Variants in UGT2A2 observed in about 807,000 individuals in gnomAD.
UGT2A2 encodes UDP glucuronosyltransferase family 2 member A2.
A neutral mutation model predicts 50.7 loss-of-function variants in UGT2A2; 60 were observed. The ratio of observed to expected loss-of-function variants is 1.18; its 90% CI spans 0.96 to 1.47. The LOEUF (loss-of-function observed/expected upper bound fraction) is 1.47. Ranked by LOEUF, UGT2A2 falls within the 40% of genes most tolerant of loss-of-function variation. UGT2A2 has a pLI of 0.00. For synonymous variants in UGT2A2, 242 were observed against 214.6 expected (o/e 1.13, Z -1.11); for missense variants, 762 against 634.0 (o/e 1.20, Z -2.17).
chr4:69,611,203 TG>T (rs1208454921), intron 1 of UGT2A2, among the ~76,000 whole-genome samples: 1 of 151,578 alleles, frequency 6.6e-6, no homozygotes, highest in Non-Finnish European at 1.5e-5. Context: ...TGGAGTGCAG[TG>T]GCACCAACAC....
Position 69,606,354 on chromosome 4 carries a change from C to T in UGT2A2, c.743-6960G>A, listed in dbSNP as rs1719611128. 2.9e-5 allele frequency among the ~76,000 whole-genome samples: 4 copies of T among 136,204 alleles called. 1 individual carries two copies. In the South Asian group the frequency reaches 9.7e-4, roughly 33 times the overall value. 89.4% of individuals were successfully genotyped at this position (136,204 alleles called of 152,430 possible). ...ATTATCTCAATAGATGCAGAAAAGG[C>T]CTTGAAAAAATTCAACAACGCTTCA... On this transcript the variant is annotated intron_variant, in intron 1 of 5. Transcript: ENST00000604629.
Position 69,639,390 on chromosome 4 carries a change from G to A in UGT2A2, c.251C>T (p.Pro84Leu). ...PDSPVNFEVI[P>L]VSYKKSNIDS... ...TATATTGCTCTTCTTGTAGGAAACA[G>A]GTATCACTTCAAAATTCACAGGAGA... Residue 84 changes from proline (P) to leucine (L), a missense_variant, in exon 1 of 6, where the codon CCT becomes CTT. By Grantham distance (98) the Pro-to-Leu change is moderately conservative (BLOSUM62 -3). Transcript: ENST00000604629. 1 of 1,613,532 alleles carries A rather than the reference G, an allele frequency of 6.2e-7. No individual in the cohort carries two copies. Among genetic ancestry groups the A allele is most frequent in the East Asian group, 2.2e-5 (1 of 44,872 alleles).
intron 1 of UGT2A2, among the ~76,000 whole-genome samples, chr4:69,612,842 C>T (rs1720142935): frequency 6.9e-6 from 1 of 145,248 alleles, no homozygotes; most frequent in Non-Finnish European, 1.5e-5. Context: ...GCTAAGTCCT[C>T]AAAAGCAATT....
intron 1 of UGT2A2, chr4:69,635,840 AAAAAAAAAAAGAGAG>A: frequency 6.8e-6 from 1 of 146,456 alleles, no homozygotes; most frequent in Non-Finnish European, 1.5e-5. Context: ...AAAAAAAAAA[AAAAAAAAAAAGAGAG>A]AGAGAGAGAG....
At chr4:69,596,482 G>A in intron 2 of UGT2A2, 101 bp from the exon 3 acceptor site, 3 of 1,339,236 alleles carry the variant, frequency 2.2e-6, no homozygotes, top group South Asian at 2.1e-5. Flanking sequence ...ATATGTCAGA[G>A]AAACTGTTGA....
In UGT2A2 at chr4:69,638,976, G is replaced by C; in HGVS notation, c.665C>G (p.Thr222Ser). 1.2e-6 allele frequency: 2 copies of C among 1,613,044 alleles called. No individual in the cohort carries two copies. Among genetic ancestry groups the C allele is most frequent in the Non-Finnish European group, 1.7e-6 (2 of 1,179,452 alleles). ...ATAGTCTTGCAGAGAATAAGATATG[G>C]TATTTTTAATCCTTTCACCAAAGGT... ...QMTFGERIKN[T>S]ISYSLQDYIF... Residue 222 changes from threonine to serine, a missense_variant, in exon 1 of 6, where the codon ACC becomes AGC. By Grantham distance (58) the Thr-to-Ser change is moderately conservative. Coordinates refer to ENST00000604629, the MANE Select transcript of UGT2A2 (RefSeq NM_001105677.2).
chr4:69,638,904 AT>A lies in UGT2A2; in HGVS notation c.736del (p.Ile246PhefsTer2). The A allele has an allele frequency of 6.3e-7, 1 of 1,577,308 alleles. No individual in the cohort carries two copies. Among genetic ancestry groups the A allele is most frequent in the East Asian group, 2.2e-5 (1 of 44,458 alleles). ...AGAGAAAATTTTAGACTTACCTAAA[AT>A]TTTGCTATAGTATGAATTCCATTCT... The part of the protein sequence containing the change: ...WGEWNSYYSK[I>X]LGRPTTLCET... On this transcript the variant is annotated frameshift_variant, in exon 1 of 6. Transcript: ENST00000604629. LOFTEE classifies it high-confidence loss of function.
intron 1 of UGT2A2, among the ~76,000 whole-genome samples, chr4:69,632,203 A>G (rs1721427032): frequency 1.3e-5 from 2 of 152,204 alleles, no homozygotes; most frequent in African/African-American, 4.8e-5. Context: ...TTTGATATAA[A>G]TATAACAGAA....
chr4:69,596,424 TAAG>T (rs768176506), intron 2 of UGT2A2, 43 bp from the exon 3 acceptor site: 5 of 1,431,770 alleles, frequency 3.5e-6, no homozygotes, highest in Non-Finnish European at 4.6e-6. Context: ...TGTAGCATCA[TAAG>T]AAAAAATAAG....
intron 5 of UGT2A2, among the ~76,000 whole-genome samples, chr4:69,591,047 C>G (rs958949927): frequency 2.6e-5 from 4 of 152,198 alleles, no homozygotes; most frequent in African/African-American, 9.6e-5. Context: ...AGTGAAGTTA[C>G]TTTAAATTAA....
At chr4:69,590,116 A>T (rs1400346582) in intron 5 of UGT2A2, among the ~76,000 whole-genome samples, 2 of 152,222 alleles carry the variant, frequency 1.3e-5, no homozygotes, top group Non-Finnish European at 2.9e-5. Flanking sequence ...CAGTTCTAAG[A>T]TGTAGGCATT....
chr4:69,610,720 G>GA lies in UGT2A2; in HGVS notation c.743-11327dup, dbSNP rs1291093203. On this transcript the variant is annotated intron_variant, in intron 1 of 5. Coordinates refer to ENST00000604629, the MANE Select transcript of UGT2A2 (RefSeq NM_001105677.2). ...GACACCAGGAATGCCCATATGCAGA[G>GA]AAAAAGCTATATGAGAATATAAGAT... 5.3e-5 allele frequency among the ~76,000 whole-genome samples: 8 copies of GA among 152,186 alleles called. No homozygotes were observed. In the East Asian group the frequency reaches 1.5e-3, roughly 29 times the overall value.
In UGT2A2 at chr4:69,589,321, C is replaced by A. The variant is rs1560463089; in HGVS notation, c.*51G>T. On this transcript the variant is annotated 3_prime_UTR_variant, in exon 6 of 6. Transcript: ENST00000604629. ...GTCTGGAATTAATAGGACTACACTA[C>A]TCAGGATTTTGCCAAACTTAAAAAT... 6.6e-7 allele frequency: 1 copy of A among 1,516,322 alleles called. No individual in the cohort carries two copies. Among genetic ancestry groups the A allele is most frequent in the Admixed American group, 2.2e-5 (1 of 46,510 alleles). The allele number at this position is 1,516,322 out of a possible 1,614,324, so 93.9% of individuals were successfully genotyped here.
At chr4:69,592,975 G>A (rs1252313249) in intron 5 of UGT2A2, among the ~76,000 whole-genome samples, 1 of 151,982 alleles carries the variant, frequency 6.6e-6, no homozygotes, top group Admixed American at 6.6e-5. Context: ...TTTCCAAGTT[G>A]AAAAGAAAGC....
Position 69,599,409 on chromosome 4 carries a change from A to G in UGT2A2, c.743-15T>C. 1 of 1,611,772 alleles carries G rather than the reference A, an allele frequency of 6.2e-7. No individual in the cohort carries two copies. Among genetic ancestry groups the G allele is most frequent in the South Asian group, 1.1e-5 (1 of 90,568 alleles). On this transcript the variant is annotated splice_polypyrimidine_tract_variant and intron_variant, in intron 1 of 5. Coordinates refer to ENST00000604629, the MANE Select transcript of UGT2A2 (RefSeq NM_001105677.2). ...AGTGGGTCTTCCTGGAGAAAATGTA[A>G]CAAGTTGGATGGAGGAAATTAGCTT...
chr4:69,609,582 G>A (rs930619474), intron 1 of UGT2A2, among the ~76,000 whole-genome samples: 3 of 152,070 alleles, frequency 2.0e-5, no homozygotes, highest in African/African-American at 7.2e-5. Flanking sequence ...ATAGTTTGCA[G>A]AACAATGGGA....
intron 1 of UGT2A2, among the ~76,000 whole-genome samples, chr4:69,605,524 G>T (rs1369671040): frequency 7.3e-6 from 1 of 136,172 alleles, no homozygotes; most frequent in East Asian, 2.1e-4. Flanking sequence ...AGAGAAGCAA[G>T]AGCATAACAC....
chr4:69,622,253 G>A (rs556431472), intron 1 of UGT2A2, among the ~76,000 whole-genome samples: 1 of 151,630 alleles, frequency 6.6e-6, no homozygotes, highest in East Asian at 1.9e-4. Context: ...CAAAACATAT[G>A]TCAAAATACA....
At chr4:69,600,809 T>TAAA (rs34446108) in intron 1 of UGT2A2, among the ~76,000 whole-genome samples, 2,823 of 145,860 alleles carry the variant, frequency 0.019, 101 homozygotes, top group African/African-American at 0.068. Flanking sequence ...GCTATACACT[T>TAAA]AAAAAAAAAA....
Sources: allele counts gnomAD v4.1 joint callset (sites outside exome capture counted in the v4.1 genomes callset), GRCh38; gene constraint gnomAD v4.1.1; transcripts MANE v1.5; gene names NCBI Gene and HGNC (gene_info 2026-07-23, HGNC 2026-07-21).